MYO3B: variants seen among roughly 807,000 people sequenced by gnomAD.
MYO3B encodes myosin IIIB, also known as myosin-IIIb.
A neutral mutation model predicts 174.6 loss-of-function variants in MYO3B; 156 were observed. The ratio of observed to expected loss-of-function variants is 0.89; its 90% CI spans 0.78 to 1.02. The LOEUF (loss-of-function observed/expected upper bound fraction) is 1.02. Among genes scored for constraint, MYO3B ranks in the 50% least tolerant of loss-of-function variants. The pLI, the probability that MYO3B is intolerant of heterozygous loss-of-function variation, is 0.00. For missense variants in MYO3B, 1,632 were observed against 1,639.4 expected (o/e 1.00, Z 0.08); for synonymous variants, 563 against 569.1 (o/e 0.99, Z 0.15).
chr2:170,202,036 G>A (rs962713124), intron 3 of MYO3B, among the ~76,000 whole-genome samples: 4 of 152,168 alleles, frequency 2.6e-5, no homozygotes, highest in African/African-American at 7.2e-5. Flanking sequence ...CATACCTGAG[G>A]CCACCTGGTG....
chr2:170,261,716 A>C (rs2093347200), intron 7 of MYO3B, among the ~76,000 whole-genome samples: 1 of 152,202 alleles, frequency 6.6e-6, no homozygotes, highest in Non-Finnish European at 1.5e-5. Flanking sequence ...TGCTATGTTT[A>C]GCATTGTTTC....
intron 7 of MYO3B, among the ~76,000 whole-genome samples, chr2:170,261,045 C>T (rs192478612): frequency 1.2e-4 from 19 of 152,148 alleles, no homozygotes; most frequent in Admixed American, 4.6e-4. Flanking sequence ...TGTTTTGAGA[C>T]GGAGTTTCAC....
At chr2:170,501,445 C>T (rs561929035) in intron 27 of MYO3B, among the ~76,000 whole-genome samples, 1 of 152,274 alleles carries the variant, frequency 6.6e-6, no homozygotes, top group East Asian at 1.9e-4. Flanking sequence ...TATCATATCC[C>T]CGAGTCTTGA....
chr2:170,413,994 C>T (rs1283345136), intron 22 of MYO3B, among the ~76,000 whole-genome samples: 2 of 151,910 alleles, frequency 1.3e-5, no homozygotes, highest in African/African-American at 2.4e-5. Context: ...GAGCCGAGAT[C>T]ACGCCACTAC....
At chr2:170,490,023 C>CT (rs1559050815) in intron 25 of MYO3B, among the ~76,000 whole-genome samples, 2 of 145,658 alleles carry the variant, frequency 1.4e-5, no homozygotes, top group African/African-American at 5.3e-5. Flanking sequence ...TTTTCAGTTT[C>CT]TTTTCTTTCT....
At chr2:170,326,132 CTT>C (rs1039421690) in intron 7 of MYO3B, among the ~76,000 whole-genome samples, 3 of 142,044 alleles carry the variant, frequency 2.1e-5, no homozygotes, top group African/African-American at 5.1e-5. Context: ...ACATATAAAG[CTT>C]TTTTTTTTTT....
At chr2:170,346,282 A>C (rs1263235410) in intron 8 of MYO3B, 1 of 152,142 alleles carries the variant, frequency 6.6e-6, no homozygotes, top group Admixed American at 6.5e-5. Context: ...AACTTTCTTA[A>C]AACACTATGA....
At chr2:170,391,691 T>G (rs2105767331) in intron 15 of MYO3B, 73 bp downstream of exon 15, 1 of 885,380 alleles carries the variant, frequency 1.1e-6, no homozygotes, top group East Asian at 2.7e-5. Context: ...TGGAAGTAAA[T>G]GGAGCTGTTT....
chr2:170,573,235 ATAT>A (rs777904531), intron 32 of MYO3B, among the ~76,000 whole-genome samples: 4,070 of 150,104 alleles, frequency 0.027, 164 homozygotes, highest in African/African-American at 0.093. Context: ...GTGTATATAT[ATAT>A]ATATATATAT....
chr2:170,606,848 G>A (rs10189986), intron 32 of MYO3B, among the ~76,000 whole-genome samples: 3,071 of 152,078 alleles, frequency 0.02, 117 homozygotes, highest in African/African-American at 0.07. Context: ...TGGAGAAACC[G>A]TGTCTCGACA....
chr2:170,569,518 GTTT>G (rs60318428), intron 32 of MYO3B, among the ~76,000 whole-genome samples: 2 of 136,604 alleles, frequency 1.5e-5, no homozygotes, highest in African/African-American at 2.7e-5. Context: ...ACTGGGCTGA[GTTT>G]TTTTTTTTTT....
chr2:170,400,472 C>A lies in MYO3B; in HGVS notation c.1918+158C>A, dbSNP rs141969330. Among the ~76,000 whole-genome samples, 1,196 of 146,818 alleles carry A rather than the reference C, an allele frequency of 8.1e-3. 27 individuals are homozygous for A. Among genetic ancestry groups the A allele is most frequent in the African/African-American group, 0.028 (1,115 of 39,658 alleles). On this transcript the variant is annotated intron_variant, in intron 17 of 34. Coordinates refer to ENST00000408978, the MANE Select transcript of MYO3B (RefSeq NM_138995.5). ...CCAGGCTGGAGTCCAGTGGTGCAAT[C>A]TCCGCTCACTGCAACCTCTGCCTCC... is the stretch of plus-strand genomic sequence containing the variant.
intron 9 of MYO3B, among the ~76,000 whole-genome samples, chr2:170,377,101 T>C (rs1000092006): frequency 3.3e-5 from 5 of 152,242 alleles, no homozygotes; most frequent in African/African-American, 1.2e-4. Context: ...GAGTCACTTT[T>C]GGGCAAAATA....
chr2:170,531,546 G>A (rs745561619), intron 30 of MYO3B, among the ~76,000 whole-genome samples: 1 of 152,128 alleles, frequency 6.6e-6, no homozygotes, highest in African/African-American at 2.4e-5. Flanking sequence ...AAAGTATGTA[G>A]CATCTCATTT....
intron 8 of MYO3B, 106 bp downstream of exon 8, chr2:170,335,556 G>C (rs2093941818): frequency 2.4e-6 from 2 of 822,182 alleles, no homozygotes; most frequent in Admixed American, 2.5e-5. Context: ...TGTTATGCCT[G>C]TTAGCACGTT....
At chr2:170,477,269 C>T (rs1485066424) in intron 25 of MYO3B, among the ~76,000 whole-genome samples, 11 of 152,134 alleles carry the variant, frequency 7.2e-5, no homozygotes, top group Admixed American at 7.2e-4. Flanking sequence ...TTTCAATCCC[C>T]AGTCCAGGCA....
chr2:170,574,059 A>C (rs1692632555), intron 32 of MYO3B, among the ~76,000 whole-genome samples: 1 of 152,170 alleles, frequency 6.6e-6, no homozygotes. Context: ...CAAAGGAAAC[A>C]AAGAAGGCTC....
intron 7 of MYO3B, among the ~76,000 whole-genome samples, chr2:170,293,134 A>G (rs532729644): frequency 6.6e-6 from 1 of 152,142 alleles, no homozygotes; most frequent in South Asian, 2.1e-4. Flanking sequence ...TCTCATCCTC[A>G]TATTTGACTT....
chr2:170,238,774 G>C (rs145671854), intron 7 of MYO3B, among the ~76,000 whole-genome samples: 205 of 151,922 alleles, frequency 1.3e-3, no homozygotes, highest in Middle Eastern at 0.01. Flanking sequence ...AATTAGGAAG[G>C]TTCCCTGGGT....
Sources: allele counts gnomAD v4.1 joint callset (sites outside exome capture counted in the v4.1 genomes callset), GRCh38; gene constraint gnomAD v4.1.1; transcripts MANE v1.5; gene names NCBI Gene and HGNC (gene_info 2026-07-23, HGNC 2026-07-21).